Variants in PPP2R5E observed in about 807,000 individuals in gnomAD.
PPP2R5E encodes serine/threonine-protein phosphatase 2A 56 kDa regulatory subunit epsilon isoform.
A neutral mutation model predicts 65.3 loss-of-function variants in PPP2R5E; 4 were observed. The ratio of observed to expected loss-of-function variants is 0.06; its 90% CI spans 0.03 to 0.14. The LOEUF (loss-of-function observed/expected upper bound fraction) is 0.14. Among genes scored for constraint, PPP2R5E ranks in the 10% least tolerant of loss-of-function variants. PPP2R5E has a pLI of 1.00. For synonymous variants in PPP2R5E, 183 were observed against 187.4 expected, an observed-to-expected ratio of 0.98 and a Z score of 0.19; for missense variants, 274 against 556.1, an observed-to-expected ratio of 0.49 and a Z score of 5.10.
intron 5 of PPP2R5E, among the ~76,000 whole-genome samples, chr14:63,414,060 T>C (rs1886555689): frequency 1.3e-5 from 2 of 152,186 alleles, no homozygotes; most frequent in African/African-American, 2.4e-5. Context: ...GAGGCCTCCA[T>C]GCCCCTCAGC....
intron 5 of PPP2R5E, among the ~76,000 whole-genome samples, chr14:63,406,193 C>A (rs1233764387): frequency 6.6e-6 from 1 of 151,990 alleles, no homozygotes; most frequent in Non-Finnish European, 1.5e-5. Flanking sequence ...GGGCAGATCA[C>A]GAGGTCAGGA....
chr14:63,502,927 A>G (rs1164648884), intron 2 of PPP2R5E, among the ~76,000 whole-genome samples: 1 of 152,200 alleles, frequency 6.6e-6, no homozygotes, highest in Non-Finnish European at 1.5e-5. Context: ...CAGGAGTTTG[A>G]GACCAGCCTG....
chr14:63,470,086 T>C (rs1326830514), intron 2 of PPP2R5E, among the ~76,000 whole-genome samples: 1 of 152,142 alleles, frequency 6.6e-6, no homozygotes, highest in East Asian at 1.9e-4. Flanking sequence ...CCCCCACTTT[T>C]TTTGAGACAA....
At chr14:63,419,575 A>G (rs1886889946) in intron 4 of PPP2R5E, among the ~76,000 whole-genome samples, 1 of 152,216 alleles carries the variant, frequency 6.6e-6, no homozygotes, top group Non-Finnish European at 1.5e-5. Context: ...GTGCTATAAG[A>G]ATATACAAAG....
At chr14:63,401,334 T>C (rs998143050) in intron 5 of PPP2R5E, among the ~76,000 whole-genome samples, 2 of 152,100 alleles carry the variant, frequency 1.3e-5, no homozygotes, top group African/African-American at 4.8e-5. Flanking sequence ...AAAAGAAATA[T>C]AATCCCACAC....
At chr14:63,377,014 T>G (rs992288260) in intron 13 of PPP2R5E, among the ~76,000 whole-genome samples, 1 of 151,356 alleles carries the variant, frequency 6.6e-6, no homozygotes, top group Non-Finnish European at 1.5e-5. Flanking sequence ...ATGCCTAGAG[T>G]CCCAGCTACT....
chr14:63,392,095 T>A, intron 8 of PPP2R5E, 70 bp from the exon 9 acceptor site: 2 of 1,177,458 alleles, frequency 1.7e-6, no homozygotes, highest in Non-Finnish European at 2.4e-6. Flanking sequence ...GATACACTAT[T>A]AAAACTTCCT....
intron 3 of PPP2R5E, chr14:63,452,072 AAAGC>A (rs1473623645): frequency 1.3e-5 from 2 of 152,232 alleles, no homozygotes; most frequent in Non-Finnish European, 2.9e-5. Context: ...CTAAGTGAAA[AAAGC>A]AAGGTACAGA....
chr14:63,452,935 C>G (rs576631098), intron 3 of PPP2R5E: 4 of 152,266 alleles, frequency 2.6e-5, no homozygotes, highest in African/African-American at 9.7e-5. Flanking sequence ...AGTCAGTAGA[C>G]CAGCTTCCCC....
chr14:63,536,729 T>G (rs1893679626), intron 2 of PPP2R5E, among the ~76,000 whole-genome samples: 1 of 152,196 alleles, frequency 6.6e-6, no homozygotes, highest in East Asian at 1.9e-4. Context: ...ACAACAGAGA[T>G]GAACACTGAA....
intron 10 of PPP2R5E, among the ~76,000 whole-genome samples, chr14:63,390,168 C>G (rs905137956): frequency 1.2e-4 from 19 of 152,134 alleles, no homozygotes; most frequent in African/African-American, 4.1e-4. Context: ...CGTACAGCCC[C>G]TGCTACATGC....
At chr14:63,490,814 A>G (rs139006007) in intron 2 of PPP2R5E, among the ~76,000 whole-genome samples, 16 of 152,260 alleles carry the variant, frequency 1.1e-4, no homozygotes, top group Non-Finnish European at 1.9e-4. Flanking sequence ...CCCCTATGTT[A>G]AGCAGTTTGG....
chr14:63,475,129 T>C (rs969904859), intron 2 of PPP2R5E, among the ~76,000 whole-genome samples: 1 of 152,248 alleles, frequency 6.6e-6, no homozygotes, highest in African/African-American at 2.4e-5. Context: ...CCTATCAACA[T>C]GGCTTATCAC....
chr14:63,518,046 T>C (rs1042180066), intron 2 of PPP2R5E, among the ~76,000 whole-genome samples: 9 of 152,282 alleles, frequency 5.9e-5, no homozygotes, highest in South Asian at 2.1e-4. Context: ...CCATAGAACA[T>C]ATAGCTGAGC....
In PPP2R5E at chr14:63,382,103, G is replaced by A. The variant is rs1438203631; in HGVS notation, c.1257C>T (p.Ser419=). ...NVLKAFMEMN[S]TMFDELTATY... Reference sequence around the variant, plus strand: ...TGGCTGTCAGCTCGTCAAACATGGTGCTGTTCATTTCCATAAATGCCTTCA... The same window carrying A: ...TGGCTGTCAGCTCGTCAAACATGGTACTGTTCATTTCCATAAATGCCTTCA... Residue 419 remains serine, a synonymous_variant, in exon 13 of 14, where the codon AGC becomes AGT. Coordinates refer to ENST00000337537, the MANE Select transcript of PPP2R5E (RefSeq NM_006246.5). 1.2e-6 allele frequency: 2 copies of A among 1,613,842 alleles called. No individual in the cohort carries two copies. The highest frequency in any genetic ancestry group is 2.2e-5 in the South Asian group (2 of 91,018).
chr14:63,391,762 G>T, intron 10 of PPP2R5E, 55 bp downstream of exon 10: 1 of 1,566,696 alleles, frequency 6.4e-7, no homozygotes, highest in Non-Finnish European at 8.8e-7. Context: ...CCAATCCTTG[G>T]CACTCAGCAA....
At chr14:63,478,424 TA>T (rs574087328) in intron 2 of PPP2R5E, among the ~76,000 whole-genome samples, 40 of 152,314 alleles carry the variant, frequency 2.6e-4, no homozygotes, top group African/African-American at 8.7e-4. Context: ...TAAACTACTT[TA>T]AACCACATTT....
intron 2 of PPP2R5E, among the ~76,000 whole-genome samples, chr14:63,494,369 G>C (rs891741375): frequency 6.6e-5 from 10 of 151,860 alleles, no homozygotes; most frequent in African/African-American, 2.4e-4. Flanking sequence ...GAGTAGCTGG[G>C]ATTACAGGTG....
chr14:63,531,810 G>A (rs1415573881), intron 2 of PPP2R5E, among the ~76,000 whole-genome samples: 1 of 151,998 alleles, frequency 6.6e-6, no homozygotes, highest in Non-Finnish European at 1.5e-5. Context: ...AAAATTAACT[G>A]GGTGTGGTGG....
Sources: allele counts gnomAD v4.1 joint callset (sites outside exome capture counted in the v4.1 genomes callset), GRCh38; gene constraint gnomAD v4.1.1; transcripts MANE v1.5; gene names NCBI Gene and HGNC (gene_info 2026-07-23, HGNC 2026-07-21).